ZNF160: variants seen among roughly 807,000 people sequenced by gnomAD.
ZNF160 encodes zinc finger protein 160.
In ZNF160, 9 loss-of-function variants were observed where a neutral mutation model predicts 13.1. The ratio of observed to expected loss-of-function variants is 0.69; its 90% CI spans 0.41 to 1.20. ZNF160 has a LOEUF of 1.20. Ranked by LOEUF, ZNF160 falls within the 50% of genes most tolerant of loss-of-function variation. ZNF160 has a pLI of 0.01. For synonymous variants in ZNF160, 293 were observed against 333.2 expected (o/e 0.88, Z 1.31); for missense variants, 838 against 988.0 (o/e 0.85, Z 2.04).
Position 53,067,962 on chromosome 19 carries a change from T to G in ZNF160, c.*115A>C. 1 of 1,411,580 alleles carries G rather than the reference T, an allele frequency of 7.1e-7. No individual in the cohort carries two copies. 87.4% of individuals were successfully genotyped at this position (1,411,580 alleles called of 1,614,324 possible). On this transcript the variant is annotated 3_prime_UTR_variant, in exon 6 of 6. Transcript: ENST00000683776. ...TCTTGCTTATGGCCTCTCATATCTA[T>G]TAATGCTTCAACTCATGAGGGATTG...
intron 3 of ZNF160, chr19:53,086,053 C>A: frequency 7.0e-7 from 1 of 1,430,082 alleles, no homozygotes; most frequent in South Asian, 1.2e-5. Context: ...CTTCCCAGGA[C>A]CATGCCCAGT....
chr19:53,077,223 A>G (rs1427411385), intron 3 of ZNF160: 1 of 152,232 alleles, frequency 6.6e-6, no homozygotes, highest in African/African-American at 2.4e-5. Context: ...GCTACAATCA[A>G]AAAGTCCACG....
intron 1 of ZNF160, among the ~76,000 whole-genome samples, chr19:53,100,349 G>A (rs889175241): frequency 2.0e-5 from 3 of 152,216 alleles, no homozygotes; most frequent in Admixed American, 6.5e-5. Context: ...GGTGGCTCAC[G>A]CCTGTAATCC....
chr19:53,076,015 G>A, intron 3 of ZNF160: 1 of 251,322 alleles, frequency 4.0e-6, no homozygotes, highest in South Asian at 4.0e-5. Context: ...TATTTGATGT[G>A]TAGAGGAAAA....
intron 3 of ZNF160, chr19:53,075,477 TG>T (rs2084352105): frequency 5.4e-6 from 2 of 369,636 alleles, no homozygotes; most frequent in East Asian, 1.4e-4. Context: ...TAAGGCTCGG[TG>T]GGTGGTCACT....
intron 1 of ZNF160, among the ~76,000 whole-genome samples, chr19:53,098,203 A>G (rs973875264): frequency 6.6e-6 from 1 of 152,158 alleles, no homozygotes; most frequent in African/African-American, 2.4e-5. Flanking sequence ...CAAGTGTGCC[A>G]CACATCCCGT....
At chr19:53,080,921 C>A (rs879896141) in intron 3 of ZNF160, among the ~76,000 whole-genome samples, 2 of 152,020 alleles carry the variant, frequency 1.3e-5, no homozygotes, top group Non-Finnish European at 1.5e-5. Flanking sequence ...AAGGCCCACA[C>A]CTCCAACCAA....
chr19:53,073,399 A>G, intron 5 of ZNF160: 1 of 1,598,456 alleles, frequency 6.3e-7, no homozygotes, highest in African/African-American at 1.3e-5. Flanking sequence ...GCAGAATGGA[A>G]GAAATGGCCG....
intron 1 of ZNF160, among the ~76,000 whole-genome samples, chr19:53,094,028 C>T (rs1275032570): frequency 6.6e-6 from 1 of 152,142 alleles, no homozygotes; most frequent in Non-Finnish European, 1.5e-5. Flanking sequence ...CAATGAGACC[C>T]CGATATCATA....
Position 53,068,162 on chromosome 19 carries a change from C to G in ZNF160, c.2372G>C (p.Cys791Ser), listed in dbSNP as rs757799835. 6.2e-7 allele frequency: 1 copy of G among 1,614,174 alleles called. No homozygotes were observed. Among genetic ancestry groups the G allele is most frequent in the South Asian group, 1.1e-5 (1 of 91,084 alleles). Residue 791 changes from cysteine (C) to serine (S), a missense_variant, in exon 6 of 6, where the codon TGT (cysteine) becomes TCT (serine). Coordinates refer to ENST00000683776, the MANE Select transcript of ZNF160 (RefSeq NM_001322131.2). The part of the protein sequence containing the change: ...AIHTGEKRYK[C>S]NECGKVFRQS... The stretch of plus-strand genomic sequence containing the variant: ...CCTGAAGACCTTGCCACACTCATTA[C>G]ATTTGTAACGCTTTTCTCCAGTGTG...
intron 4 of ZNF160, 127 bp from the exon 5 acceptor site, chr19:53,074,395 C>T (rs539089278): frequency 1.2e-5 from 17 of 1,434,852 alleles, no homozygotes; most frequent in East Asian, 7.6e-5. Context: ...GGGCCAGGCG[C>T]GGTGGCTCAT....
At chr19:53,070,713 C>G (rs898740075) in intron 5 of ZNF160, among the ~76,000 whole-genome samples, 8 of 152,026 alleles carry the variant, frequency 5.3e-5, no homozygotes. Flanking sequence ...TGTGCCCAGC[C>G]AAAAGTAGTA....
chr19:53,088,107 G>A (rs957433534), intron 2 of ZNF160, among the ~76,000 whole-genome samples: 8 of 152,182 alleles, frequency 5.3e-5, no homozygotes, highest in Admixed American at 3.3e-4. Flanking sequence ...GAAAGTTCTG[G>A]AGACACCAGA....
intron 3 of ZNF160, among the ~76,000 whole-genome samples, chr19:53,080,734 T>C (rs1282627748): frequency 1.3e-5 from 2 of 152,098 alleles, no homozygotes; most frequent in Non-Finnish European, 2.9e-5. Context: ...AAAATGTATA[T>C]GAAAGCAAAA....
At chr19:53,079,566 A>C (rs1218655466) in intron 3 of ZNF160, among the ~76,000 whole-genome samples, 3 of 151,408 alleles carry the variant, frequency 2.0e-5, no homozygotes, top group Middle Eastern at 3.2e-3. Context: ...AAAAAAAAAA[A>C]AAAAAAATAG....
chr19:53,075,800 A>C (rs2084366252), intron 3 of ZNF160: 2 of 518,880 alleles, frequency 3.9e-6, no homozygotes, highest in Non-Finnish European at 7.7e-6. Flanking sequence ...ATCAATTTCA[A>C]GGAGGGGGTC....
At chr19:53,092,298 C>T (rs188466458) in intron 1 of ZNF160, among the ~76,000 whole-genome samples, 75 of 152,020 alleles carry the variant, frequency 4.9e-4, no homozygotes, top group African/African-American at 1.8e-3. Flanking sequence ...AGATTTTAAG[C>T]GTATTTGATA....
intron 1 of ZNF160, among the ~76,000 whole-genome samples, chr19:53,098,283 T>C (rs1043854912): frequency 2.6e-5 from 4 of 152,128 alleles, no homozygotes; most frequent in African/African-American, 9.7e-5. Flanking sequence ...TCAGCATTGC[T>C]TCCACGCCTC....
intron 3 of ZNF160, chr19:53,075,885 G>C: frequency 2.0e-6 from 1 of 508,082 alleles, no homozygotes; most frequent in Non-Finnish European, 3.9e-6. Flanking sequence ...GCATTAATGT[G>C]TGTGCGCTGT....
Sources: allele counts gnomAD v4.1 joint callset (sites outside exome capture counted in the v4.1 genomes callset), GRCh38; gene constraint gnomAD v4.1.1; transcripts MANE v1.5; gene names NCBI Gene and HGNC (gene_info 2026-07-23, HGNC 2026-07-21).